Variants in AHRR observed in about 807,000 individuals in gnomAD.
AHRR encodes the protein ahR repressor.
AHRR carries 28 observed loss-of-function variants against 44.0 expected under a neutral mutation model. The ratio of observed to expected loss-of-function variants is 0.64; its 90% CI spans 0.47 to 0.87. The LOEUF is 0.87. Ranked by LOEUF, AHRR falls within the 40% of genes least tolerant of loss-of-function variation. AHRR has a pLI of 0.00. For synonymous variants in AHRR, 434 were observed against 407.0 expected (o/e 1.07, Z -0.80); for missense variants, 990 against 953.9 (o/e 1.04, Z -0.50).
intron 4 of AHRR, chr5:403,971 T>C: frequency 7.8e-7 from 1 of 1,284,322 alleles, no homozygotes; most frequent in Non-Finnish European, 1.1e-6. Context: ...CTGACTCGTC[T>C]ACATTTTCTG....
intron 9 of AHRR, 125 bp downstream of exon 9, chr5:432,649 G>A: frequency 1.3e-6 from 2 of 1,495,042 alleles, no homozygotes; most frequent in Non-Finnish European, 1.9e-6. Context: ...GCAGAGACTT[G>A]GTGTCTGTCC....
intron 4 of AHRR, among the ~76,000 whole-genome samples, chr5:392,312 A>T (rs1734496279): frequency 1.0e-5 from 1 of 97,286 alleles, no homozygotes; most frequent in South Asian, 4.2e-4. Flanking sequence ...GCAGGGCCAG[A>T]GCGTGCACGG....
chr5:432,844 G>A lies in AHRR; in HGVS notation c.1009G>A (p.Glu337Lys), dbSNP rs759522626. ...SRESGVLVLR[E>K]QTDAGRWAQV... ...AGAGAGCGGCGTTTTGGTGCTCAGG[G>A]AACAGACTGACGCTGGCCGATGGGC... The change falls in exon 10 of 11, where the codon GAA (glutamate) becomes AAA (lysine). Residue 337 changes from glutamate (E) to lysine (K), a missense_variant. Coordinates refer to ENST00000684583, the MANE Select transcript of AHRR (RefSeq NM_001377236.1). 4 of 1,613,840 alleles carry A rather than the reference G, an allele frequency of 2.5e-6. No individual in the cohort carries two copies. Among genetic ancestry groups the A allele is most frequent in the African/African-American group, 2.7e-5 (2 of 75,036 alleles).
chr5:337,404 G>A lies in AHRR; in HGVS notation c.-10-6489G>A, dbSNP rs1742179084. On this transcript the variant is annotated intron_variant, in intron 1 of 10. Transcript: ENST00000684583. The surrounding 1 kb of genome is among the most constrained non-coding windows in gnomAD (Gnocchi z 4.1). Reference sequence around the variant, plus strand: ...TGTATATACACACACATACATACAGGGTCTTGTTCTGTCACCCAGGCTGGA... The same window carrying A: ...TGTATATACACACACATACATACAGAGTCTTGTTCTGTCACCCAGGCTGGA... Among the ~76,000 whole-genome samples, 1 of 151,928 alleles carries A rather than the reference G, an allele frequency of 6.6e-6. No individual in the cohort carries two copies. Among genetic ancestry groups the A allele is most frequent in the Admixed American group, 6.6e-5 (1 of 15,246 alleles).
chr5:400,419 G>A (rs2126492185), intron 4 of AHRR, among the ~76,000 whole-genome samples: 1 of 152,282 alleles, frequency 6.6e-6, no homozygotes, highest in East Asian at 1.9e-4. Context: ...CTTGCGAAGT[G>A]GCAGGTGCGC....
At chr5:421,180 G>C (rs550207573) in intron 5 of AHRR, 20 of 603,452 alleles carry the variant, frequency 3.3e-5, no homozygotes, top group East Asian at 1.9e-4. Flanking sequence ...GCGCCCGGCT[G>C]GTGCCGGGCA....
In AHRR at chr5:432,578, G is replaced by T. The variant is rs549014213; in HGVS notation, c.970+54G>T. Reference sequence around the variant, plus strand: ...TTCCACATGGGTAAAATGTGTTTCTGCCCTTGGAGAGCTTCCCCGCCCAGT... The same window carrying T: ...TTCCACATGGGTAAAATGTGTTTCTTCCCTTGGAGAGCTTCCCCGCCCAGT... On this transcript the variant is annotated intron_variant, in intron 9 of 10. Transcript: ENST00000684583. The T allele has an allele frequency of 3.8e-6, 6 of 1,589,914 alleles. No homozygotes were observed. In the East Asian group the frequency reaches 1.3e-4, roughly 36 times the overall value.
At chr5:421,865 C>T (rs1736140913) in intron 5 of AHRR, among the ~76,000 whole-genome samples, 1 of 152,206 alleles carries the variant, frequency 6.6e-6, no homozygotes, top group African/African-American at 2.4e-5. Context: ...CCTCTGAAGT[C>T]TTGACTCTTA....
Position 342,713 on chromosome 5 carries a change from T to C in AHRR, c.-10-1180T>C, listed in dbSNP as rs1019839003. Among the ~76,000 whole-genome samples the C allele has an allele frequency of 6.6e-6, 1 of 152,218 alleles. No individual in the cohort carries two copies. Among genetic ancestry groups the C allele is most frequent in the African/African-American group, 2.4e-5 (1 of 41,458 alleles). On this transcript the variant is annotated intron_variant, in intron 1 of 10. Coordinates refer to ENST00000684583, the MANE Select transcript of AHRR (RefSeq NM_001377236.1). The surrounding 1 kb of genome is among the most constrained non-coding windows in gnomAD (Gnocchi z 4.3). ...TGGCCCAGAGCCTGGCACGGGATGG[T>C]TACTGCACACAGGTCTGCAGAACGT... is the stretch of plus-strand genomic sequence containing the variant.
rs150331700 is a variant in AHRR, at chr5:406,220, C to T, written c.352-7124C>T. 2.9e-4 allele frequency among the ~76,000 whole-genome samples: 44 copies of T among 152,312 alleles called. No individual in the cohort carries two copies. The East Asian group carries it at 8.3e-3, about 29-fold the overall frequency. On this transcript the variant is annotated intron_variant, in intron 4 of 10. Transcript: ENST00000684583. This position sits in a 1 kb window ranked among gnomAD's most constrained non-coding sequence, Gnocchi z 4.7. Reference sequence around the variant, plus strand: ...CGGTGTCGCTGGGGACTTCTGCTGCCCCCAGCCCCCCTTCCTTCCAGCCAG... The same window carrying T: ...CGGTGTCGCTGGGGACTTCTGCTGCTCCCAGCCCCCCTTCCTTCCAGCCAG...
chr5:414,177 A>G (rs904956980), intron 5 of AHRR, among the ~76,000 whole-genome samples: 8 of 152,086 alleles, frequency 5.3e-5, no homozygotes, highest in South Asian at 4.2e-4. Context: ...GCAGGAGAAT[A>G]GCGTGAACCT....
intron 4 of AHRR, among the ~76,000 whole-genome samples, chr5:391,081 T>C (rs538866536): frequency 6.6e-6 from 1 of 152,234 alleles, no homozygotes; most frequent in East Asian, 1.9e-4. Flanking sequence ...GAGGCTGGGA[T>C]GGACAGGAAC....
At chr5:346,565 C>T (rs116396241) in intron 2 of AHRR, among the ~76,000 whole-genome samples, 82 of 152,334 alleles carry the variant, frequency 5.4e-4, no homozygotes, top group African/African-American at 1.9e-3. Context: ...AGTGCACAGG[C>T]TCAGGAGCAC....
At chr5:324,420 ATT>A (rs530944388) in intron 1 of AHRR, among the ~76,000 whole-genome samples, 1 of 148,540 alleles carries the variant, frequency 6.7e-6, no homozygotes. Flanking sequence ...TCCACTTGGA[ATT>A]TTTTTTTTAA....
intron 3 of AHRR, among the ~76,000 whole-genome samples, chr5:369,934 T>C (rs564887314): frequency 6.6e-6 from 1 of 152,244 alleles, no homozygotes. Flanking sequence ...GTCCCCTCAT[T>C]TGACGTAAAA....
intron 2 of AHRR, among the ~76,000 whole-genome samples, chr5:351,909 A>C (rs991818430): frequency 1.8e-4 from 27 of 152,328 alleles, no homozygotes; most frequent in Admixed American, 1.6e-3. Flanking sequence ...TCATAAATGC[A>C]AACACCTTAG....
chr5:406,196 G>A lies in AHRR; in HGVS notation c.352-7148G>A, dbSNP rs1375217856. 3.3e-5 allele frequency among the ~76,000 whole-genome samples: 5 copies of A among 152,234 alleles called. No homozygotes were observed. The highest frequency in any genetic ancestry group is 7.3e-5 in the Non-Finnish European group (5 of 68,032). ...AGCTGGGCTTGGGCGAGGGGCCCACGGTGTCGCTGGGGACTTCTGCTGCCC... is the reference window on the plus strand; with the variant it reads ...AGCTGGGCTTGGGCGAGGGGCCCACAGTGTCGCTGGGGACTTCTGCTGCCC... On this transcript the variant is annotated intron_variant, in intron 4 of 10. Transcript: ENST00000684583. This position sits in a 1 kb window ranked among gnomAD's most constrained non-coding sequence, Gnocchi z 4.7.
At chr5:381,650 G>T (rs1312180071) in intron 4 of AHRR, among the ~76,000 whole-genome samples, 1 of 151,556 alleles carries the variant, frequency 6.6e-6, no homozygotes, top group East Asian at 1.9e-4. Flanking sequence ...AAGTAGCTGG[G>T]ATTACAGGCA....
intron 3 of AHRR, among the ~76,000 whole-genome samples, chr5:374,236 A>G (rs1743698984): frequency 6.6e-6 from 1 of 152,028 alleles, no homozygotes; most frequent in African/African-American, 2.4e-5. Flanking sequence ...GGGCGACCCC[A>G]GCAGCGTCTG....
Sources: gnomAD v4.1 joint callset for allele counts (sites outside exome capture counted in the v4.1 genomes callset) on GRCh38, gnomAD v4.1.1 for gene constraint, Gnocchi (gnomAD v3.1) non-coding constraint, MANE v1.5 for transcripts, NCBI Gene and HGNC (gene_info 2026-07-23, HGNC 2026-07-21) for gene names.